Variants in TUBGCP3 observed in about 807,000 individuals in gnomAD.
TUBGCP3 encodes the protein gamma-tubulin complex component 3.
Under a neutral mutation model 123.1 loss-of-function variants are expected in TUBGCP3, and 50 were observed. That is an observed-to-expected ratio of 0.41 (90% CI 0.32 to 0.51). TUBGCP3 has a LOEUF of 0.51. Ranked by LOEUF, TUBGCP3 falls within the 20% of genes least tolerant of loss-of-function variation. The pLI is 0.36. For missense variants in TUBGCP3, 882 were observed against 1,127.0 expected (o/e 0.78, Z 3.11); for synonymous variants, 405 against 413.9 (o/e 0.98, Z 0.26).
chr13:112,583,559 T>C lies in TUBGCP3; in HGVS notation c.76+4346A>G, dbSNP rs1321817491. Among the ~76,000 whole-genome samples, 3 of 152,238 alleles carry C rather than the reference T, an allele frequency of 2.0e-5. No individual in the cohort carries two copies. In the East Asian group the frequency reaches 5.8e-4, roughly 29 times the overall value. On this transcript the variant is annotated intron_variant, in intron 1 of 21. Transcript: ENST00000261965. ...TTTTAAACAAAAAAGTTGCCCTTTG[T>C]ATCCCCAAAAGATTCTATATACACT...
chr13:112,561,713 T>C (rs1880526250), intron 3 of TUBGCP3, among the ~76,000 whole-genome samples: 1 of 152,092 alleles, frequency 6.6e-6, no homozygotes. Context: ...CTGTGGGAGT[T>C]TCCAGGAAGT....
intron 20 of TUBGCP3, chr13:112,498,736 G>A (rs1009097864): frequency 9.4e-6 from 14 of 1,494,440 alleles, no homozygotes; most frequent in African/African-American, 1.4e-5. Context: ...AGCGGAGGCA[G>A]CTGTGGAGAT....
At chr13:112,518,920 T>C in intron 16 of TUBGCP3, 55 bp downstream of exon 16, 2 of 1,500,538 alleles carry the variant, frequency 1.3e-6, no homozygotes, top group Non-Finnish European at 1.9e-6. Context: ...TCAAACAAAA[T>C]GTTTAACAAT....
chr13:112,523,974 G>A (rs1003559878), intron 13 of TUBGCP3, among the ~76,000 whole-genome samples: 5 of 151,948 alleles, frequency 3.3e-5, no homozygotes, highest in South Asian at 2.1e-4. Context: ...TTTGCTCTCC[G>A]CAGACCCTGG....
intron 6 of TUBGCP3, 78 bp from the exon 7 acceptor site, chr13:112,555,083 TCA>T (rs1879916127): frequency 6.8e-6 from 6 of 881,774 alleles, no homozygotes; most frequent in Non-Finnish European, 5.3e-6. Context: ...GCAATTAGCT[TCA>T]GATTAGATAT....
At chr13:112,521,718 G>C (rs778796854) in intron 14 of TUBGCP3, 12 of 985,388 alleles carry the variant, frequency 1.2e-5, no homozygotes, top group Non-Finnish European at 1.4e-5. Context: ...TAAACACTTG[G>C]GTGAAAATCT....
intron 17 of TUBGCP3, among the ~76,000 whole-genome samples, chr13:112,510,228 C>T (rs1275806439): frequency 6.6e-6 from 1 of 152,186 alleles, no homozygotes; most frequent in Non-Finnish European, 1.5e-5. Context: ...GACTCAAACA[C>T]CGGCTCTTAA....
intron 2 of TUBGCP3, among the ~76,000 whole-genome samples, chr13:112,567,206 C>G (rs1429475118): frequency 6.6e-6 from 1 of 152,226 alleles, no homozygotes; most frequent in Non-Finnish European, 1.5e-5. Context: ...TCTCAAAACA[C>G]AACACCCACA....
chr13:112,503,439 G>A (rs1347068098), intron 19 of TUBGCP3, among the ~76,000 whole-genome samples: 4 of 152,044 alleles, frequency 2.6e-5, no homozygotes, highest in East Asian at 1.9e-4. Context: ...GCGTGATCTC[G>A]GCTCACTGCA....
intron 1 of TUBGCP3, among the ~76,000 whole-genome samples, chr13:112,580,453 A>G (rs1434751999): frequency 6.6e-6 from 1 of 152,126 alleles, no homozygotes; most frequent in African/African-American, 2.4e-5. Context: ...ACAATACAGC[A>G]AGATCCTTCT....
intron 1 of TUBGCP3, among the ~76,000 whole-genome samples, chr13:112,584,448 C>A (rs1204306882): frequency 2.0e-5 from 3 of 152,100 alleles, no homozygotes; most frequent in Non-Finnish European, 4.4e-5. Flanking sequence ...TTGATCTTCC[C>A]AAGAATGTAA....
chr13:112,575,650 T>C (rs1881750474), intron 1 of TUBGCP3, among the ~76,000 whole-genome samples: 1 of 152,218 alleles, frequency 6.6e-6, no homozygotes, highest in African/African-American at 2.4e-5. Flanking sequence ...CAACACACGC[T>C]CTTTTCAAAT....
chr13:112,488,353 C>CA (rs780872558), intron 21 of TUBGCP3, among the ~76,000 whole-genome samples: 24,144 of 151,958 alleles, frequency 0.16, 1,981 homozygotes, highest in Middle Eastern at 0.2. Context: ...TCACTAAGAT[C>CA]ACATTGAGAA....
intron 20 of TUBGCP3, chr13:112,498,841 G>GA: frequency 5.0e-6 from 8 of 1,589,364 alleles, no homozygotes; most frequent in Non-Finnish European, 6.9e-6. Flanking sequence ...TTTATTTTGT[G>GA]AAACAGGATG....
intron 17 of TUBGCP3, among the ~76,000 whole-genome samples, chr13:112,513,655 C>T (rs543647984): frequency 6.6e-5 from 10 of 152,186 alleles, no homozygotes; most frequent in Admixed American, 1.3e-4. Flanking sequence ...ATTTCTAACG[C>T]GCTGGATTAG....
At chr13:112,496,725 G>A (rs997159379) in intron 20 of TUBGCP3, among the ~76,000 whole-genome samples, 7 of 152,150 alleles carry the variant, frequency 4.6e-5, no homozygotes, top group Non-Finnish European at 8.8e-5. Context: ...GGTGGCTCAT[G>A]CTTGTAATCC....
At chr13:112,578,666 G>A (rs946365651) in intron 1 of TUBGCP3, among the ~76,000 whole-genome samples, 7 of 149,628 alleles carry the variant, frequency 4.7e-5, no homozygotes, top group African/African-American at 1.7e-4. Flanking sequence ...AATGCAACGC[G>A]ACCTTTCGAC....
intron 21 of TUBGCP3, among the ~76,000 whole-genome samples, chr13:112,487,149 A>T (rs1356650264): frequency 6.6e-6 from 1 of 152,128 alleles, no homozygotes; most frequent in African/African-American, 2.4e-5. Flanking sequence ...CTAAGAAGTT[A>T]TATTGCCAAA....
chr13:112,547,403 C>T (rs1044571371), intron 10 of TUBGCP3: 7 of 718,548 alleles, frequency 9.7e-6, no homozygotes, highest in African/African-American at 3.6e-5. Context: ...CGATTCCTAT[C>T]GAATCAACAC....
Sources: gnomAD v4.1 joint callset for allele counts (sites outside exome capture counted in the v4.1 genomes callset) on GRCh38, gnomAD v4.1.1 for gene constraint, MANE v1.5 for transcripts, NCBI Gene and HGNC (gene_info 2026-07-23, HGNC 2026-07-21) for gene names.